VRK1: variants seen among roughly 807,000 people sequenced by gnomAD.
VRK1 encodes the protein serine/threonine-protein kinase VRK1.
A neutral mutation model predicts 57.1 loss-of-function variants in VRK1; 33 were observed. The ratio of observed to expected loss-of-function variants is 0.58; its 90% CI spans 0.44 to 0.77. VRK1 has a LOEUF of 0.77. VRK1 is among the 30% of genes least tolerant of loss of function. The pLI is 0.00. For synonymous variants in VRK1, 137 were observed against 147.8 expected (o/e 0.93, Z 0.53); for missense variants, 413 against 477.3 (o/e 0.87, Z 1.25).
intron 1 of VRK1, among the ~76,000 whole-genome samples, chr14:96,812,110 T>C (rs1212353658): frequency 6.6e-6 from 1 of 152,258 alleles, no homozygotes; most frequent in African/African-American, 2.4e-5. Flanking sequence ...CATGTGTTAA[T>C]ACTTTATTTC....
At chr14:96,832,083 C>CGAA (rs1255164382) in intron 1 of VRK1, among the ~76,000 whole-genome samples, 1 of 150,856 alleles carries the variant, frequency 6.6e-6, no homozygotes, top group South Asian at 2.1e-4. Context: ...ATTTAGACAG[C>CGAA]GAAGATGCAT....
intron 10 of VRK1, among the ~76,000 whole-genome samples, chr14:96,856,962 C>T (rs181203517): frequency 2.0e-5 from 3 of 148,478 alleles, no homozygotes; most frequent in South Asian, 2.1e-4. Flanking sequence ...AGTGAGACTC[C>T]GTCTCAGAAA....
At chr14:96,856,033 G>A in intron 8 of VRK1, 97 bp from the exon 9 acceptor site, 1 of 1,393,906 alleles carries the variant, frequency 7.2e-7, no homozygotes, top group Middle Eastern at 2.0e-4. Context: ...AACAGACTGT[G>A]GAGTTGACTT....
chr14:96,819,399 A>G (rs957989596), intron 1 of VRK1, among the ~76,000 whole-genome samples: 1 of 152,210 alleles, frequency 6.6e-6, no homozygotes, highest in Non-Finnish European at 1.5e-5. Flanking sequence ...AAGATGTACC[A>G]GAATATCTAG....
At chr14:96,839,183 C>T (rs1250349138) in intron 3 of VRK1, among the ~76,000 whole-genome samples, 2 of 149,220 alleles carry the variant, frequency 1.3e-5, no homozygotes, top group African/African-American at 5.0e-5. Context: ...ACTTCTTATG[C>T]TCAGCATAAC....
At chr14:96,853,030 G>A (rs762320519) in intron 6 of VRK1, 44 bp from the exon 7 acceptor site, 2 of 1,607,334 alleles carry the variant, frequency 1.2e-6, no homozygotes, top group Non-Finnish European at 1.7e-6. Flanking sequence ...CTGCTGGCTG[G>A]TGTTAGGTAC....
chr14:96,822,029 G>T (rs1886620017), intron 1 of VRK1, among the ~76,000 whole-genome samples: 1 of 147,112 alleles, frequency 6.8e-6, no homozygotes, highest in Non-Finnish European at 1.5e-5. Context: ...GGCTTTACCA[G>T]ACCATCTTTT....
At chr14:96,805,957 C>T (rs1885857237) in intron 1 of VRK1, among the ~76,000 whole-genome samples, 1 of 151,432 alleles carries the variant, frequency 6.6e-6, no homozygotes, top group Admixed American at 6.6e-5. Context: ...GATTTGCAGC[C>T]CTTCAGTATT....
At chr14:96,814,835 T>C (rs1886333027) in intron 1 of VRK1, among the ~76,000 whole-genome samples, 1 of 152,260 alleles carries the variant, frequency 6.6e-6, no homozygotes, top group African/African-American at 2.4e-5. Context: ...ACCTTATTTT[T>C]AAAACTGCCT....
At chr14:96,823,431 G>A (rs1288252638) in intron 1 of VRK1, among the ~76,000 whole-genome samples, 1 of 152,142 alleles carries the variant, frequency 6.6e-6, no homozygotes, top group Non-Finnish European at 1.5e-5. Context: ...GTGATAACTA[G>A]TAGATTTATG....
chr14:96,824,276 G>C (rs1641769888), intron 1 of VRK1, among the ~76,000 whole-genome samples: 4 of 152,098 alleles, frequency 2.6e-5, no homozygotes, highest in Admixed American at 2.6e-4. Context: ...ATTTCATCTT[G>C]AAAAAAGAAT....
intron 1 of VRK1, among the ~76,000 whole-genome samples, chr14:96,814,945 G>A (rs557766648): frequency 7.9e-5 from 12 of 152,222 alleles, no homozygotes; most frequent in African/African-American, 2.9e-4. Flanking sequence ...TGGTAATTAA[G>A]GATCTTTCTA....
At chr14:96,856,097 A>G (rs754782147) in intron 8 of VRK1, 33 bp from the exon 9 acceptor site, 9 of 1,610,320 alleles carry the variant, frequency 5.6e-6, no homozygotes, top group Non-Finnish European at 6.8e-6. Flanking sequence ...AAATTATTTC[A>G]GTCTACCTAA....
At chr14:96,829,847 C>T (rs1243772021) in intron 1 of VRK1, among the ~76,000 whole-genome samples, 1 of 152,132 alleles carries the variant, frequency 6.6e-6, no homozygotes, top group East Asian at 1.9e-4. Context: ...TATATATTTA[C>T]TGCTCACTGA....
chr14:96,845,952 CTT>C, intron 3 of VRK1, 141 bp from the exon 4 acceptor site: 1 of 739,172 alleles, frequency 1.4e-6, no homozygotes. Context: ...AGGAGTTTGA[CTT>C]AATCTTAACA....
chr14:96,826,580 G>A (rs1886807450), intron 1 of VRK1, among the ~76,000 whole-genome samples: 1 of 152,210 alleles, frequency 6.6e-6, no homozygotes, highest in African/African-American at 2.4e-5. Context: ...CTTGCATAGA[G>A]TCAGAGGGGC....
intron 1 of VRK1, among the ~76,000 whole-genome samples, chr14:96,831,696 G>T (rs1407775387): frequency 2.0e-5 from 3 of 152,118 alleles, no homozygotes; most frequent in Admixed American, 6.6e-5. Context: ...AGATTGTCCA[G>T]TCACTATTTT....
At chr14:96,827,320 G>A (rs998745071) in intron 1 of VRK1, among the ~76,000 whole-genome samples, 1 of 152,170 alleles carries the variant, frequency 6.6e-6, no homozygotes, top group African/African-American at 2.4e-5. Flanking sequence ...TTTGTCAGTA[G>A]AAGGTGAGGA....
intron 1 of VRK1, among the ~76,000 whole-genome samples, chr14:96,819,141 A>AT (rs1398916607): frequency 2.0e-5 from 3 of 152,220 alleles, no homozygotes; most frequent in Non-Finnish European, 4.4e-5. Flanking sequence ...GAGGCCAGTT[A>AT]TACCAAAATA....
Sources: allele counts gnomAD v4.1 joint callset (sites outside exome capture counted in the v4.1 genomes callset), GRCh38; gene constraint gnomAD v4.1.1; transcripts MANE v1.5; gene names NCBI Gene and HGNC (gene_info 2026-07-23, HGNC 2026-07-21).